Variants in CLHC1 observed in about 807,000 individuals in gnomAD.
CLHC1 encodes clathrin heavy chain linker domain containing 1, also known as clathrin heavy chain linker domain-containing protein 1.
CLHC1 carries 72 observed loss-of-function variants against 69.5 expected under a neutral mutation model. The observed-to-expected ratio is 1.04, with a 90% CI of 0.86 to 1.26. The LOEUF is 1.26. Among genes scored for constraint, CLHC1 ranks in the 50% most tolerant of loss-of-function variants. The pLI is 0.00. For missense variants in CLHC1, 790 were observed against 679.3 expected (o/e 1.16, Z -1.81); for synonymous variants, 223 against 224.3 (o/e 0.99, Z 0.05).
At chr2:55,177,888 C>A in intron 11 of CLHC1, 107 bp from the exon 12 acceptor site, 1 of 760,996 alleles carries the variant, frequency 1.3e-6, no homozygotes, top group Non-Finnish European at 2.0e-6. Context: ...TTTTTCTAAT[C>A]CTTTCAAAGC....
At chr2:55,199,584 G>A (rs1242525489) in intron 9 of CLHC1, among the ~76,000 whole-genome samples, 1 of 151,824 alleles carries the variant, frequency 6.6e-6, no homozygotes, top group African/African-American at 2.4e-5. Flanking sequence ...AAAAGCTAGG[G>A]GACAAAGTTA....
In CLHC1 at chr2:55,174,233, G is replaced by C. The variant is rs1172033317; in HGVS notation, c.*1557C>G. Among the ~76,000 whole-genome samples, 1 of 152,106 alleles carries C rather than the reference G, an allele frequency of 6.6e-6. No homozygotes were observed. Among genetic ancestry groups the C allele is most frequent in the Non-Finnish European group, 1.5e-5 (1 of 68,010 alleles). On this transcript the variant is annotated 3_prime_UTR_variant, in exon 13 of 13. Transcript: ENST00000401408. Reference sequence around the variant, plus strand: ...CTTTAAAAATGCTACGTTTTAGAAAGCTGAATTATAATTATCCAGTATTCT... The same window carrying C: ...CTTTAAAAATGCTACGTTTTAGAAACCTGAATTATAATTATCCAGTATTCT...
intron 9 of CLHC1, among the ~76,000 whole-genome samples, chr2:55,199,447 TTG>T (rs1671735569): frequency 6.6e-6 from 1 of 152,056 alleles, no homozygotes; most frequent in East Asian, 1.9e-4. Flanking sequence ...AACACTGTAA[TTG>T]TGTGTAAATT....
intron 9 of CLHC1, among the ~76,000 whole-genome samples, chr2:55,201,557 AT>A (rs1263041223): frequency 6.6e-6 from 1 of 152,198 alleles, no homozygotes; most frequent in Non-Finnish European, 1.5e-5. Flanking sequence ...CCAGGACCTG[AT>A]GGCTTCACTT....
At chr2:55,210,639 C>T (rs374748698) in intron 5 of CLHC1, among the ~76,000 whole-genome samples, 1 of 152,182 alleles carries the variant, frequency 6.6e-6, no homozygotes, top group African/African-American at 2.4e-5. Flanking sequence ...TCAGTAACGC[C>T]ACGAGCTTCT....
chr2:55,202,843 G>A (rs1672088962), intron 9 of CLHC1, among the ~76,000 whole-genome samples: 1 of 148,796 alleles, frequency 6.7e-6, no homozygotes, highest in Non-Finnish European at 1.5e-5. Context: ...AGGTTGTAGT[G>A]AGCTGAGATT....
At chr2:55,179,056 G>A (rs1202340361) in intron 11 of CLHC1, among the ~76,000 whole-genome samples, 1 of 123,132 alleles carries the variant, frequency 8.1e-6, no homozygotes. Flanking sequence ...AGCCTCCTGA[G>A]TGGCTGGGAC....
intron 8 of CLHC1, among the ~76,000 whole-genome samples, chr2:55,208,228 T>C (rs901863032): frequency 6.6e-6 from 1 of 152,220 alleles, no homozygotes; most frequent in Non-Finnish European, 1.5e-5. Context: ...TATTTTGGAA[T>C]ATATGCATGT....
intron 9 of CLHC1, among the ~76,000 whole-genome samples, chr2:55,205,405 A>ACG (rs1672342601): frequency 6.6e-6 from 1 of 151,304 alleles, no homozygotes; most frequent in African/African-American, 2.4e-5. Flanking sequence ...GAAAATACAC[A>ACG]CACACACACA....
At chr2:55,201,373 T>C (rs1671928642) in intron 9 of CLHC1, among the ~76,000 whole-genome samples, 1 of 152,060 alleles carries the variant, frequency 6.6e-6, no homozygotes, top group African/African-American at 2.4e-5. Flanking sequence ...AGGAGCCTTA[T>C]AGGTTACTAT....
intron 12 of CLHC1, among the ~76,000 whole-genome samples, chr2:55,177,362 TG>T (rs1242414263): frequency 1.3e-5 from 2 of 152,348 alleles, no homozygotes; most frequent in East Asian, 3.9e-4. Flanking sequence ...TCATAATTAT[TG>T]TAATATTCCC....
intron 4 of CLHC1, among the ~76,000 whole-genome samples, chr2:55,217,585 A>ATATATATAT (rs1673698055): frequency 1.5e-5 from 2 of 129,494 alleles, no homozygotes; most frequent in African/African-American, 5.7e-5. Flanking sequence ...ATATATATAT[A>ATATATATAT]CTAAGAGGTA....
chr2:55,226,114 C>T (rs1320222994), intron 2 of CLHC1, among the ~76,000 whole-genome samples: 1 of 151,092 alleles, frequency 6.6e-6, no homozygotes, highest in Non-Finnish European at 1.5e-5. Flanking sequence ...GTGGCGTGAA[C>T]CCGGGAGGCG....
At chr2:55,198,196 A>C (rs1422116736) in intron 9 of CLHC1, among the ~76,000 whole-genome samples, 1 of 152,230 alleles carries the variant, frequency 6.6e-6, no homozygotes, top group Admixed American at 6.5e-5. Flanking sequence ...GCACAACTTC[A>C]AGATCTAGAA....
intron 9 of CLHC1, among the ~76,000 whole-genome samples, chr2:55,193,549 A>G (rs1573642152): frequency 6.6e-6 from 1 of 152,344 alleles, no homozygotes; most frequent in South Asian, 2.1e-4. Context: ...GCCTAACATT[A>G]CTAGTCATTA....
At chr2:55,224,513 G>T (rs778510643) in intron 2 of CLHC1, 1 of 319,012 alleles carries the variant, frequency 3.1e-6, no homozygotes, top group Non-Finnish European at 6.5e-6. Flanking sequence ...TACTCGGAGT[G>T]ATCCTGGAGT....
intron 9 of CLHC1, among the ~76,000 whole-genome samples, chr2:55,191,574 G>C (rs369756238): frequency 1.3e-5 from 2 of 152,014 alleles, no homozygotes; most frequent in African/African-American, 4.8e-5. Flanking sequence ...AATAGATACG[G>C]TATATGCTAT....
At chr2:55,176,090 G>C in intron 12 of CLHC1, 104 bp from the exon 13 acceptor site, 1 of 902,358 alleles carries the variant, frequency 1.1e-6, no homozygotes, top group Non-Finnish European at 1.7e-6. Flanking sequence ...CTCAGTTACT[G>C]TTAAACTCTA....
chr2:55,203,555 T>C (rs957266181), intron 9 of CLHC1, among the ~76,000 whole-genome samples: 1 of 152,108 alleles, frequency 6.6e-6, no homozygotes, highest in Non-Finnish European at 1.5e-5. Flanking sequence ...GAACATATAC[T>C]GGGGAAAAGA....
Sources: allele counts gnomAD v4.1 joint callset (sites outside exome capture counted in the v4.1 genomes callset), GRCh38; gene constraint gnomAD v4.1.1; transcripts MANE v1.5; gene names NCBI Gene and HGNC (gene_info 2026-07-23, HGNC 2026-07-21).